SORCS3: variants seen among roughly 807,000 people sequenced by gnomAD.
The protein encoded by SORCS3 is sortilin related VPS10 domain containing receptor 3, also known as VPS10 domain-containing receptor SorCS3.
In SORCS3, 57 loss-of-function variants were observed where a neutral mutation model predicts 146.3. The observed-to-expected ratio is 0.39, with a 90% CI of 0.31 to 0.49. The LOEUF (loss-of-function observed/expected upper bound fraction) is 0.49. Ranked by LOEUF, SORCS3 falls within the 20% of genes least tolerant of loss-of-function variation. SORCS3 has a pLI of 0.92. For missense variants in SORCS3, 1,341 were observed against 1,575.5 expected, an observed-to-expected ratio of 0.85 and a Z score of 2.52; for synonymous variants, 653 against 618.5, an observed-to-expected ratio of 1.06 and a Z score of -0.83.
chr10:105,000,527 G>T (rs2055054724), intron 4 of SORCS3, among the ~76,000 whole-genome samples: 1 of 152,072 alleles, frequency 6.6e-6, no homozygotes, highest in African/African-American at 2.4e-5. Context: ...AGCCATAGAA[G>T]TATCAATGGA....
intron 24 of SORCS3, 31 bp from the exon 25 acceptor site, chr10:105,256,788 G>T: frequency 6.4e-7 from 1 of 1,564,110 alleles, no homozygotes; most frequent in Non-Finnish European, 8.8e-7. Context: ...GAGCATATCT[G>T]TTCTTTTCCT....
chr10:105,208,496 C>G (rs1283812116), intron 16 of SORCS3, among the ~76,000 whole-genome samples: 1 of 151,832 alleles, frequency 6.6e-6, no homozygotes, highest in Admixed American at 6.6e-5. Flanking sequence ...AGATTTCAAA[C>G]TACCAACCTG....
At chr10:105,082,227 T>A (rs560960164) in intron 5 of SORCS3, among the ~76,000 whole-genome samples, 1 of 152,294 alleles carries the variant, frequency 6.6e-6, no homozygotes, top group South Asian at 2.1e-4. Flanking sequence ...GGATTTGTGA[T>A]GTACACTCAA....
chr10:105,142,656 C>T (rs530194502), intron 8 of SORCS3, among the ~76,000 whole-genome samples: 4 of 152,240 alleles, frequency 2.6e-5, no homozygotes, highest in Non-Finnish European at 2.9e-5. Flanking sequence ...TTCAATTGCT[C>T]GATCATGCCA....
At chr10:105,232,596 T>G (rs2056771770) in intron 20 of SORCS3, among the ~76,000 whole-genome samples, 1 of 151,884 alleles carries the variant, frequency 6.6e-6, no homozygotes, top group African/African-American at 2.4e-5. Context: ...GTTTTTTTTT[T>G]CTTGTTTCCT....
rs190656240 is a variant in SORCS3, at chr10:105,100,454, A to G, written c.1094-4943A>G. On this transcript the variant is annotated intron_variant, in intron 6 of 26. Coordinates refer to ENST00000369701, the MANE Select transcript of SORCS3 (RefSeq NM_014978.3). The stretch of plus-strand genomic sequence containing the variant: ...AATTAATCAAAGTCAATTCATTAAC[A>G]TGCAAGTATGTCACGTATTTCATGA... 6.6e-5 allele frequency among the ~76,000 whole-genome samples: 10 copies of G among 152,352 alleles called. No homozygotes were observed. The East Asian group carries it at 1.9e-3, about 29-fold the overall frequency.
chr10:104,868,985 A>G (rs1438873018), intron 2 of SORCS3, among the ~76,000 whole-genome samples: 1 of 152,106 alleles, frequency 6.6e-6, no homozygotes, highest in South Asian at 2.1e-4. Flanking sequence ...GGGAAGCATC[A>G]TTTGCACCTT....
At chr10:104,772,611 T>G (rs1163366370) in intron 1 of SORCS3, among the ~76,000 whole-genome samples, 1 of 152,210 alleles carries the variant, frequency 6.6e-6, no homozygotes, top group African/African-American at 2.4e-5. Flanking sequence ...CGCTTTCCCT[T>G]GCATTCACCC....
intron 1 of SORCS3, among the ~76,000 whole-genome samples, chr10:104,840,896 C>A (rs1417902737): frequency 2.6e-5 from 1 of 38,606 alleles, no homozygotes; most frequent in Non-Finnish European, 4.6e-5. Flanking sequence ...GGTGGTCATT[C>A]TGACTCATTC....
At chr10:104,860,961 C>T (rs555830180) in intron 2 of SORCS3, among the ~76,000 whole-genome samples, 81 of 152,124 alleles carry the variant, frequency 5.3e-4, no homozygotes, top group Non-Finnish European at 1.1e-3. Flanking sequence ...GTGGAAGACC[C>T]AGGTGCAAAG....
intron 4 of SORCS3, among the ~76,000 whole-genome samples, chr10:105,015,425 A>G (rs921777170): frequency 6.6e-6 from 1 of 152,220 alleles, no homozygotes; most frequent in Admixed American, 6.5e-5. Context: ...TTATTTGGCC[A>G]TGAAAATTGA....
In SORCS3 at chr10:104,952,255, GAAAAAAAAAAAAAA is replaced by G. The variant is rs55880149; in HGVS notation, c.796-25061_796-25048del. ...GTGATTCTGGTGCACATGAATGTTT[GAAAAAAAAAAAAAA>G]AAAAAAAAAAAAAAAAAATCACAGC... On this transcript the variant is annotated intron_variant, in intron 3 of 26. Transcript: ENST00000369701. 8.4e-4 allele frequency among the ~76,000 whole-genome samples: 34 copies of G among 40,626 alleles called. No individual in the cohort carries two copies. The East Asian group carries it at 0.012, about 14-fold the overall frequency. The allele number at this position is 40,626 out of a possible 152,430, so 26.7% of individuals were successfully genotyped here.
At chr10:105,230,251 C>T in intron 20 of SORCS3, among the ~76,000 whole-genome samples, 1 of 152,016 alleles carries the variant, frequency 6.6e-6, no homozygotes, top group East Asian at 1.9e-4. Flanking sequence ...CTCAGGCTCC[C>T]TGGTGTTGTG....
At chr10:104,766,631 C>T (rs1393719637) in intron 1 of SORCS3, among the ~76,000 whole-genome samples, 1 of 152,202 alleles carries the variant, frequency 6.6e-6, no homozygotes, top group Non-Finnish European at 1.5e-5. Context: ...TGCTGTCCTC[C>T]TTCACAGTGG....
intron 1 of SORCS3, among the ~76,000 whole-genome samples, chr10:104,699,056 C>CTGAT (rs1259601952): frequency 6.6e-6 from 1 of 152,150 alleles, no homozygotes; most frequent in East Asian, 1.9e-4. Context: ...CCATCGTCTT[C>CTGAT]TGATTATATT....
At chr10:104,896,985 G>A (rs1268023696) in intron 2 of SORCS3, among the ~76,000 whole-genome samples, 3 of 152,162 alleles carry the variant, frequency 2.0e-5, no homozygotes, top group African/African-American at 7.2e-5. Context: ...CAAGCTTAGG[G>A]CAGGTGATGG....
intron 4 of SORCS3, among the ~76,000 whole-genome samples, chr10:104,986,879 G>A (rs1219849957): frequency 1.3e-5 from 2 of 152,092 alleles, no homozygotes; most frequent in African/African-American, 4.8e-5. Context: ...CATCATAACA[G>A]ATATAATAAT....
At chr10:104,715,293 G>A (rs2016463024) in intron 1 of SORCS3, among the ~76,000 whole-genome samples, 1 of 152,140 alleles carries the variant, frequency 6.6e-6, no homozygotes, top group African/African-American at 2.4e-5. Context: ...CAAAAAGGAG[G>A]AGAAAGGGAG....
At position 104,695,969 on chromosome 10, in the gene SORCS3, AAT is replaced by A. The variant is rs1398723416; in HGVS notation, c.627+54023_627+54024del. Among the ~76,000 whole-genome samples the A allele has an allele frequency of 9.9e-4, 140 of 141,808 alleles. 1 individual carries two copies. Among genetic ancestry groups the A allele is most frequent in the African/African-American group, 3.5e-3 (134 of 38,396 alleles). 93.0% of individuals were successfully genotyped at this position (141,808 alleles called of 152,430 possible). ...TAATATATATATTATATACACATATAATATATATAATATGTATTATATACACA... is the reference window on the plus strand; with the variant it reads ...TAATATATATATTATATACACATATAATATATAATATGTATTATATACACA... On this transcript the variant is annotated intron_variant, in intron 1 of 26. Transcript: ENST00000369701.
Sources: allele counts gnomAD v4.1 joint callset (sites outside exome capture counted in the v4.1 genomes callset), GRCh38; gene constraint gnomAD v4.1.1; transcripts MANE v1.5; gene names NCBI Gene and HGNC (gene_info 2026-07-23, HGNC 2026-07-21).